Variants in HIRA observed in about 807,000 individuals in gnomAD.
HIRA encodes the protein histone cell cycle regulator, also known as protein HIRA.
Under a neutral mutation model 126.6 loss-of-function variants are expected in HIRA, and 13 were observed. That is an observed-to-expected ratio of 0.10 (90% CI 0.07 to 0.16). HIRA has a LOEUF of 0.16. Ranked by LOEUF, HIRA falls within the 10% of genes least tolerant of loss-of-function variation. The probability of loss-of-function intolerance (pLI) is 1.00; values close to 1 mark genes in which losing one functional copy is unlikely to be tolerated. For missense variants in HIRA, 834 were observed against 1,314.4 expected, an observed-to-expected ratio of 0.63 and a Z score of 5.65; for synonymous variants, 511 against 520.0, an observed-to-expected ratio of 0.98 and a Z score of 0.24.
Position 19,397,062 on chromosome 22 carries a change from C to T in HIRA, c.494-115G>A. The T allele has an allele frequency of 1.8e-5, 16 of 900,468 alleles. No homozygotes were observed. In the South Asian group the frequency reaches 2.5e-4, roughly 14 times the overall value. The allele number at this position is 900,468 out of a possible 1,614,324, so 55.8% of individuals were successfully genotyped here. ...GGACTCAGCAGTCTGCCATGGCCAG[C>T]CCCCACACCAGACAGAAGCAGAAGG... On this transcript the variant is annotated intron_variant, in intron 6 of 24. Coordinates refer to ENST00000263208, the MANE Select transcript of HIRA (RefSeq NM_003325.4).
At chr22:19,373,334 G>A (rs1272328827) in intron 15 of HIRA, among the ~76,000 whole-genome samples, 2 of 152,062 alleles carry the variant, frequency 1.3e-5, no homozygotes, top group African/African-American at 2.4e-5. Flanking sequence ...ATATTTTATA[G>A]TGCCATCTGA....
Position 19,353,377 on chromosome 22 carries a change from C to A in HIRA, c.2827G>T (p.Ala943Ser), listed in dbSNP as rs782651433. 6.2e-7 allele frequency: 1 copy of A among 1,612,686 alleles called. No individual in the cohort carries two copies. Among genetic ancestry groups the A allele is most frequent in the African/African-American group, 1.3e-5 (1 of 74,858 alleles). Residue 943 changes from alanine to serine, a missense_variant, in exon 23 of 25, where the codon GCA becomes TCA. Ala to Ser is a moderately conservative substitution (Grantham distance 99, BLOSUM62 1). Around this residue, in one of 5 missense-constraint regions of HIRA, gnomAD observed 58 missense variants for 114.5 expected, o/e 0.51. Transcript: ENST00000263208. ...HEYRHWLLVY[A>S]RYLVNEGFEY... ...TCACCTTCGTTTACGAGGTACCGTGCGTAGACGAGGAGCCAATGGCGGTAC... is the reference window on the plus strand; with the variant it reads ...TCACCTTCGTTTACGAGGTACCGTGAGTAGACGAGGAGCCAATGGCGGTAC...
At chr22:19,383,093 C>T (rs1332678977) in intron 13 of HIRA, among the ~76,000 whole-genome samples, 1 of 151,992 alleles carries the variant, frequency 6.6e-6, no homozygotes, top group African/African-American at 2.4e-5. Flanking sequence ...TAGCAAACAC[C>T]TCAGAGGACT....
chr22:19,361,479 G>C, intron 16 of HIRA, 138 bp from the exon 17 acceptor site: 1 of 789,840 alleles, frequency 1.3e-6, no homozygotes, highest in Non-Finnish European at 2.1e-6. Flanking sequence ...AGAGGGGAAT[G>C]CTACAAGGAT....
rs370227781 is a variant in HIRA at position 19,377,852 on chromosome 22, C to G, written c.1613+17G>C. 9.4e-6 allele frequency: 15 copies of G among 1,587,538 alleles called. No homozygotes were observed. Among genetic ancestry groups the G allele is most frequent in the Non-Finnish European group, 1.3e-5 (15 of 1,165,334 alleles). On this transcript the variant is annotated intron_variant, in intron 14 of 24. Transcript: ENST00000263208. ...AACTTTCCCCAGGGACAGGAACAAG[C>G]CTTGGCACCCACTAACCTGTCTTTA...
chr22:19,405,951 C>G, intron 4 of HIRA, 71 bp from the exon 5 acceptor site: 1 of 1,016,278 alleles, frequency 9.8e-7, no homozygotes, highest in Non-Finnish European at 1.3e-6. Context: ...CTCCCTGCAG[C>G]CAGCTTATCA....
At chr22:19,343,128 A>G (rs2088649641) in intron 24 of HIRA, among the ~76,000 whole-genome samples, 1 of 152,216 alleles carries the variant, frequency 6.6e-6, no homozygotes. Context: ...ATAAAAGACT[A>G]CACATTGGGT....
intron 1 of HIRA, among the ~76,000 whole-genome samples, chr22:19,426,550 G>A (rs1014004719): frequency 3.9e-5 from 6 of 152,120 alleles, no homozygotes; most frequent in Non-Finnish European, 5.9e-5. Flanking sequence ...GGGCTATCAC[G>A]CTTATTCCTC....
rs565258687 is a variant in HIRA, at chr22:19,373,817, T to C, written c.1775+1814A>G. Among the ~76,000 whole-genome samples, 143 of 152,128 alleles carry C rather than the reference T, an allele frequency of 9.4e-4. 2 individuals carry two copies. Among genetic ancestry groups the C allele is most frequent in the African/African-American group, 2.2e-3 (91 of 41,550 alleles). On this transcript the variant is annotated intron_variant, in intron 15 of 24. Coordinates refer to ENST00000263208, the MANE Select transcript of HIRA (RefSeq NM_003325.4). ...ATGCTGGTGACTTAATTCCAACTCCTACATGGCTTAGACCCCAGGCCTTGT... is the reference window on the plus strand; with the variant it reads ...ATGCTGGTGACTTAATTCCAACTCCCACATGGCTTAGACCCCAGGCCTTGT...
chr22:19,409,730 A>C (rs983844168), intron 2 of HIRA, among the ~76,000 whole-genome samples: 1 of 152,224 alleles, frequency 6.6e-6, no homozygotes, highest in African/African-American at 2.4e-5. Context: ...CCAATATGTA[A>C]AAGTATTTCC....
intron 24 of HIRA, among the ~76,000 whole-genome samples, chr22:19,340,941 G>T (rs2088620839): frequency 6.6e-6 from 1 of 152,174 alleles, no homozygotes; most frequent in Non-Finnish European, 1.5e-5. Context: ...ACTGCTAAGA[G>T]CAATCTACAG....
chr22:19,414,397 G>C (rs575674452), intron 1 of HIRA, among the ~76,000 whole-genome samples: 9 of 152,332 alleles, frequency 5.9e-5, no homozygotes, highest in Non-Finnish European at 1.0e-4. Context: ...ACAGAGAGGT[G>C]GCCAGAGGCA....
At chr22:19,371,515 A>G (rs1406807786) in intron 15 of HIRA, among the ~76,000 whole-genome samples, 1 of 152,182 alleles carries the variant, frequency 6.6e-6, no homozygotes, top group Non-Finnish European at 1.5e-5. Flanking sequence ...TTTAAAGTAT[A>G]GAATCATTAG....
intron 9 of HIRA, among the ~76,000 whole-genome samples, chr22:19,389,939 C>T (rs1316685167): frequency 6.6e-6 from 1 of 151,476 alleles, no homozygotes; most frequent in African/African-American, 2.4e-5. Context: ...AGAGGATAAC[C>T]TTCAAACCCA....
chr22:19,356,828 G>T, intron 19 of HIRA, 62 bp downstream of exon 19: 2 of 1,517,838 alleles, frequency 1.3e-6, no homozygotes, highest in South Asian at 1.2e-5. Context: ...CAGTGAGGTG[G>T]GGCCTACACA....
At chr22:19,407,631 A>C (rs1200433544) in intron 3 of HIRA, among the ~76,000 whole-genome samples, 2 of 152,268 alleles carry the variant, frequency 1.3e-5, no homozygotes, top group African/African-American at 4.8e-5. Flanking sequence ...AGTAGAGATT[A>C]TTCTCAAAAA....
Position 19,353,640 on chromosome 22 carries a change from C to T in HIRA, c.2685-121G>A, listed in dbSNP as rs1212580221. The T allele has an allele frequency of 4.1e-6, 4 of 976,248 alleles. No homozygotes were observed. In the African/African-American group the frequency reaches 4.9e-5, roughly 12 times the overall value. 60.5% of individuals were successfully genotyped at this position (976,248 alleles called of 1,614,324 possible). A position where few individuals can be genotyped will look rare whatever the true frequency, so the allele number is the denominator to read the frequency against. On this transcript the variant is annotated intron_variant, in intron 22 of 24. Transcript: ENST00000263208. ...GCAGGCACCAGGGCTGCCAAGGCCT[C>T]CCGTCCACTAGCCAGTCTGTTGGCA...
At chr22:19,353,235 G>T in intron 23 of HIRA, 121 bp downstream of exon 23, 3 of 1,222,936 alleles carry the variant, frequency 2.5e-6, no homozygotes, top group Admixed American at 1.9e-5. Flanking sequence ...TGCAGCTCAG[G>T]CTGGGAGGTA....
Position 19,410,790 on chromosome 22 carries a change from G to GAA in HIRA, c.38-14_38-13dup. On this transcript the variant is annotated splice_polypyrimidine_tract_variant and intron_variant, in intron 1 of 24. Coordinates refer to ENST00000263208, the MANE Select transcript of HIRA (RefSeq NM_003325.4). ...AAAAATCGGCTTGCCTGGAAACAAAGAAAAAAAAATACAGTATCTAAATTG... is the reference window on the plus strand; with the variant it reads ...AAAAATCGGCTTGCCTGGAAACAAAGAAAAAAAAAAATACAGTATCTAAATTG... 3 of 1,572,020 alleles carry GAA rather than the reference G, an allele frequency of 1.9e-6. No homozygotes were observed. The highest frequency in any genetic ancestry group is 2.6e-6 in the Non-Finnish European group (3 of 1,162,644).
Sources: allele counts gnomAD v4.1 joint callset (sites outside exome capture counted in the v4.1 genomes callset), GRCh38; gene constraint gnomAD v4.1.1; regional missense constraint gnomAD v4.1.1; transcripts MANE v1.5; gene names NCBI Gene and HGNC (gene_info 2026-07-23, HGNC 2026-07-21).